Variants in RFX8 observed in about 807,000 individuals in gnomAD.
The protein encoded by RFX8 is regulatory factor X8, also known as DNA-binding protein RFX8.
A neutral mutation model predicts 54.6 loss-of-function variants in RFX8; 46 were observed. The ratio of observed to expected loss-of-function variants is 0.84; its 90% CI spans 0.67 to 1.08. RFX8 has a LOEUF of 1.08. Ranked by LOEUF, RFX8 falls within the 50% of genes least tolerant of loss-of-function variation. The pLI is 0.00. For synonymous variants in RFX8, 192 were observed against 209.5 expected, an observed-to-expected ratio of 0.92 and a Z score of 0.72; for missense variants, 536 against 562.3, an observed-to-expected ratio of 0.95 and a Z score of 0.47.
intron 1 of RFX8, among the ~76,000 whole-genome samples, chr2:101,470,772 T>G (rs1196605917): frequency 2.9e-5 from 4 of 138,448 alleles, no homozygotes; most frequent in Admixed American, 7.6e-5. Context: ...CAGGCTGGAG[T>G]GCAGTGGCGC....
intron 2 of RFX8, among the ~76,000 whole-genome samples, chr2:101,458,540 C>A (rs1689105284): frequency 6.6e-6 from 1 of 152,150 alleles, no homozygotes; most frequent in African/African-American, 2.4e-5. Flanking sequence ...TATTGGCCCC[C>A]ACTCTCTTCT....
intron 11 of RFX8, among the ~76,000 whole-genome samples, chr2:101,398,275 C>T (rs1264483177): frequency 6.6e-6 from 1 of 152,154 alleles, no homozygotes; most frequent in African/African-American, 2.4e-5. Flanking sequence ...CTGATGGGCT[C>T]TCTTTAGGGA....
At chr2:101,426,750 C>A (rs6543045) in intron 2 of RFX8, among the ~76,000 whole-genome samples, 143,801 of 152,132 alleles carry the variant, frequency 0.95, 68,229 homozygotes, top group Non-Finnish European at 0.99. Context: ...CTGATGTGTG[C>A]CACCTTTCCA....
intron 2 of RFX8, among the ~76,000 whole-genome samples, chr2:101,436,003 A>C (rs1403894564): frequency 6.6e-6 from 1 of 152,008 alleles, no homozygotes; most frequent in Non-Finnish European, 1.5e-5. Flanking sequence ...CCAGGTGTCC[A>C]GTTAAGTGGG....
chr2:101,437,450 T>C (rs1418595867), intron 2 of RFX8, among the ~76,000 whole-genome samples: 1 of 151,778 alleles, frequency 6.6e-6, no homozygotes, highest in Non-Finnish European at 1.5e-5. Flanking sequence ...TGATGGTGCC[T>C]GCCTGTGATC....
intron 7 of RFX8, among the ~76,000 whole-genome samples, chr2:101,414,332 A>C (rs921642711): frequency 6.6e-6 from 1 of 151,934 alleles, no homozygotes; most frequent in African/African-American, 2.4e-5. Context: ...CAGTGGCACA[A>C]TCTTAGCTCA....
At chr2:101,439,704 A>G (rs1687983933) in intron 2 of RFX8, among the ~76,000 whole-genome samples, 1 of 139,420 alleles carries the variant, frequency 7.2e-6, no homozygotes, top group Admixed American at 7.1e-5. Context: ...TCAGTGGAAC[A>G]TATTTAAGTA....
chr2:101,474,323 C>T, intron 1 of RFX8: 1 of 462,260 alleles, frequency 2.2e-6, no homozygotes, highest in Non-Finnish European at 3.8e-6. Flanking sequence ...GAGCGGCGGC[C>T]GTGGGCGGCG....
chr2:101,463,678 A>T (rs998737632), intron 2 of RFX8, among the ~76,000 whole-genome samples: 1 of 152,044 alleles, frequency 6.6e-6, no homozygotes, highest in Non-Finnish European at 1.5e-5. Context: ...GGCCCTGAAC[A>T]CCACCACCGG....
At chr2:101,435,615 A>G (rs1208910871) in intron 2 of RFX8, among the ~76,000 whole-genome samples, 1 of 152,098 alleles carries the variant, frequency 6.6e-6, no homozygotes, top group Non-Finnish European at 1.5e-5. Context: ...ACAATAATAA[A>G]ATATTTTATA....
intron 1 of RFX8, among the ~76,000 whole-genome samples, chr2:101,468,453 C>CT (rs1478771806): frequency 1.3e-5 from 2 of 152,000 alleles, no homozygotes; most frequent in Non-Finnish European, 2.9e-5. Context: ...TATTGTTTTT[C>CT]TTTTTTGCAT....
At position 101,402,730 on chromosome 2, in the gene RFX8, CA is replaced by C. The variant is rs1435947366; in HGVS notation, c.950del (p.Leu317CysfsTer7). 6.5e-7 allele frequency: 1 copy of C among 1,547,370 alleles called. No individual in the cohort carries two copies. The part of the protein sequence containing the change: ...DSFGSWHLFH[L>X]LLLEYMIHIL... ...TATGAATCATATATTCCAAAAGCAA[CA>C]AGTGAAACAGATGCCAGGAGCCTAC... On this transcript the variant is annotated frameshift_variant, in exon 11 of 12. Coordinates refer to ENST00000428343, the MANE Select transcript of RFX8 (RefSeq NM_001145664.2). LOFTEE classifies it high-confidence loss of function.
chr2:101,463,747 C>T (rs1307341334), intron 2 of RFX8, among the ~76,000 whole-genome samples: 1 of 152,138 alleles, frequency 6.6e-6, no homozygotes, highest in African/African-American at 2.4e-5. Context: ...TATACAGCCA[C>T]TTACCTCCTT....
intron 2 of RFX8, among the ~76,000 whole-genome samples, chr2:101,433,000 G>A (rs971230921): frequency 6.6e-6 from 1 of 152,090 alleles, no homozygotes; most frequent in Non-Finnish European, 1.5e-5. Context: ...AGGATGTTAG[G>A]ATTTAATAAC....
intron 1 of RFX8, among the ~76,000 whole-genome samples, chr2:101,473,332 C>G (rs1034826890): frequency 6.6e-6 from 1 of 152,158 alleles, no homozygotes; most frequent in African/African-American, 2.4e-5. Flanking sequence ...GGGCCTGGGT[C>G]GGTGAGTGTA....
chr2:101,463,416 G>C (rs1051772400), intron 2 of RFX8, among the ~76,000 whole-genome samples: 1 of 152,186 alleles, frequency 6.6e-6, no homozygotes, highest in Admixed American at 6.5e-5. Context: ...GGCTCTGGCA[G>C]GAGAGTGGAA....
At chr2:101,404,073 G>A (rs976359128) in intron 10 of RFX8, among the ~76,000 whole-genome samples, 2 of 152,226 alleles carry the variant, frequency 1.3e-5, no homozygotes, top group African/African-American at 2.4e-5. Flanking sequence ...TTACAGGGCT[G>A]TAAAAATAAC....
chr2:101,424,787 G>A (rs1468385724), intron 2 of RFX8, among the ~76,000 whole-genome samples: 1 of 152,144 alleles, frequency 6.6e-6, no homozygotes, highest in East Asian at 1.9e-4. Context: ...AACACTGCAT[G>A]TTCTCACTCA....
intron 2 of RFX8, among the ~76,000 whole-genome samples, chr2:101,442,160 A>G (rs1014543060): frequency 6.6e-6 from 1 of 152,196 alleles, no homozygotes; most frequent in African/African-American, 2.4e-5. Context: ...ACTTTGAGTG[A>G]GGTGTGGAAA....
Sources: gnomAD v4.1 joint callset for allele counts (sites outside exome capture counted in the v4.1 genomes callset) on GRCh38, gnomAD v4.1.1 for gene constraint, MANE v1.5 for transcripts, NCBI Gene and HGNC (gene_info 2026-07-23, HGNC 2026-07-21) for gene names.